Variants in IKZF1 observed in about 807,000 individuals in gnomAD.
IKZF1 encodes DNA-binding protein Ikaros.
IKZF1 carries 10 observed loss-of-function variants against 51.7 expected under a neutral mutation model. That is an observed-to-expected ratio of 0.19 (90% CI 0.12 to 0.33). The LOEUF (loss-of-function observed/expected upper bound fraction) is 0.33. IKZF1 is among the 10% of genes least tolerant of loss of function. The pLI is 1.00. For synonymous variants in IKZF1, 280 were observed against 282.3 expected (o/e 0.99, Z 0.08); for missense variants, 484 against 707.5 (o/e 0.68, Z 3.58).
At position 50,404,429 on chromosome 7, in the gene IKZF1, C is replaced by T. The variant is rs138552384; in HGVS notation, c.*3802C>T. On this transcript the variant is annotated 3_prime_UTR_variant, in exon 8 of 8. Coordinates refer to ENST00000331340, the MANE Select transcript of IKZF1 (RefSeq NM_006060.6). ...GTAGTGATAGAACAAATAAATGCAA[C>T]GAATACTCTGTCTGCCCTATCCCGT... 2.6e-5 allele frequency: 6 copies of T among 228,638 alleles called. No homozygotes were observed. The highest frequency in any genetic ancestry group is 4.3e-5 in the Non-Finnish European group (5 of 115,124). The allele number at this position is 228,638 out of a possible 1,614,324, so 14.2% of individuals were successfully genotyped here. A position where few individuals can be genotyped will look rare whatever the true frequency, so the allele number is the denominator to read the frequency against.
chr7:50,382,821 C>G (rs1248319360), intron 5 of IKZF1, 114 bp downstream of exon 5: 4 of 1,308,450 alleles, frequency 3.1e-6, no homozygotes, highest in Non-Finnish European at 4.1e-6. Context: ...CCTCCCAGCT[C>G]GCAGTCCTGC....
Position 50,376,850 on chromosome 7 carries a change from AG to A in IKZF1, c.421+59del. 2.5e-6 allele frequency: 4 copies of A among 1,593,188 alleles called. No individual in the cohort carries two copies. The highest frequency in any genetic ancestry group is 3.4e-6 in the Non-Finnish European group (4 of 1,168,226). ...CCTGGAGAAGGTGCATGGGGTTTGA[AG>A]GAGGAAAGCATCCTGTCTTCCTTGT... On this transcript the variant is annotated intron_variant, in intron 4 of 7. Coordinates refer to ENST00000331340, the MANE Select transcript of IKZF1 (RefSeq NM_006060.6). This position sits in a 1 kb window ranked among gnomAD's most constrained non-coding sequence, Gnocchi z 4.5.
chr7:50,325,031 C>T (rs990047177), intron 2 of IKZF1, among the ~76,000 whole-genome samples: 8 of 152,108 alleles, frequency 5.3e-5, no homozygotes, highest in South Asian at 2.1e-4. Context: ...TCATGAGACG[C>T]GTGCACACCC....
intron 3 of IKZF1, among the ~76,000 whole-genome samples, chr7:50,354,676 C>T (rs1802779026): frequency 1.3e-5 from 2 of 152,122 alleles, no homozygotes; most frequent in Admixed American, 1.3e-4. Context: ...TTCCATTACC[C>T]TCTCTAGCAT....
intron 3 of IKZF1, among the ~76,000 whole-genome samples, chr7:50,335,382 G>A (rs1797443346): frequency 1.4e-5 from 2 of 144,110 alleles, no homozygotes; most frequent in South Asian, 2.3e-4. Flanking sequence ...TGTGTGGTGT[G>A]TATGTGTGTA....
chr7:50,368,176 C>T (rs1313908805), intron 3 of IKZF1: 1 of 703,288 alleles, frequency 1.4e-6, no homozygotes, highest in African/African-American at 1.7e-5. Context: ...TAAATATTCA[C>T]TGTTCTATTC....
intron 3 of IKZF1, among the ~76,000 whole-genome samples, chr7:50,336,793 A>G (rs1282982905): frequency 1.3e-5 from 2 of 152,310 alleles, no homozygotes; most frequent in African/African-American, 2.4e-5. Flanking sequence ...GATGGTGTCT[A>G]GCCACGGAAC....
At chr7:50,332,318 T>G (rs1455941759) in intron 3 of IKZF1, among the ~76,000 whole-genome samples, 1 of 152,140 alleles carries the variant, frequency 6.6e-6, no homozygotes, top group Non-Finnish European at 1.5e-5. Flanking sequence ...ATACATACAT[T>G]TTTGCCAGTT....
chr7:50,355,728 C>G (rs992677462), intron 3 of IKZF1, among the ~76,000 whole-genome samples: 1 of 152,172 alleles, frequency 6.6e-6, no homozygotes, highest in Non-Finnish European at 1.5e-5. Context: ...CCTCTAAGAA[C>G]AATGAGAGTT....
At chr7:50,371,670 C>T (rs567062278) in intron 3 of IKZF1, among the ~76,000 whole-genome samples, 8 of 152,362 alleles carry the variant, frequency 5.3e-5, no homozygotes, top group African/African-American at 1.9e-4. Flanking sequence ...TGCCTCTCCT[C>T]GGCACCTTCT....
intron 1 of IKZF1, among the ~76,000 whole-genome samples, chr7:50,310,184 G>A (rs1789820675): frequency 6.6e-6 from 1 of 152,300 alleles, no homozygotes. Context: ...TACTTTTGCA[G>A]TATGAGTGTT....
intron 1 of IKZF1, among the ~76,000 whole-genome samples, chr7:50,305,362 G>A (rs755489979): frequency 6.6e-6 from 1 of 152,166 alleles, no homozygotes; most frequent in Admixed American, 6.5e-5. Flanking sequence ...GCTTTGAAAA[G>A]TTAGTCCTTT....
At chr7:50,397,339 T>C (rs1390293339) in intron 7 of IKZF1, among the ~76,000 whole-genome samples, 1 of 152,230 alleles carries the variant, frequency 6.6e-6, no homozygotes, top group East Asian at 1.9e-4. Context: ...TTATTTTTCT[T>C]GTTTTGTTGG....
chr7:50,362,220 T>A (rs960778187), intron 3 of IKZF1, among the ~76,000 whole-genome samples: 6 of 152,224 alleles, frequency 3.9e-5, no homozygotes, highest in African/African-American at 1.4e-4. Flanking sequence ...CACTGACATG[T>A]CCCATTTGAA....
intron 2 of IKZF1, among the ~76,000 whole-genome samples, chr7:50,325,697 C>A (rs1794792823): frequency 6.6e-6 from 1 of 151,982 alleles, no homozygotes; most frequent in Admixed American, 6.6e-5. Flanking sequence ...ATGGCTTGAA[C>A]CTGGGAGGCC....
At chr7:50,370,695 A>G (rs562060952) in intron 3 of IKZF1, among the ~76,000 whole-genome samples, 6 of 152,342 alleles carry the variant, frequency 3.9e-5, no homozygotes, top group African/African-American at 1.2e-4. Context: ...GCTCTTGTCC[A>G]TTATCTCTCA....
chr7:50,402,380 G>A lies in IKZF1; in HGVS notation c.*1753G>A. The A allele has an allele frequency of 4.3e-6, 1 of 230,388 alleles. No individual in the cohort carries two copies. The highest frequency in any genetic ancestry group is 1.3e-3 in the Middle Eastern group (1 of 766). The allele number at this position is 230,388 out of a possible 1,614,324, so 14.3% of individuals were successfully genotyped here. A position where few individuals can be genotyped will look rare whatever the true frequency, so the allele number is the denominator to read the frequency against. On this transcript the variant is annotated 3_prime_UTR_variant, in exon 8 of 8. Coordinates refer to ENST00000331340, the MANE Select transcript of IKZF1 (RefSeq NM_006060.6). Reference sequence around the variant, plus strand: ...TTAGGCGGGAGCTCTCCTGTGCATTGTAGGATAATTAGCAGTATCCCTGGT... The same window carrying A: ...TTAGGCGGGAGCTCTCCTGTGCATTATAGGATAATTAGCAGTATCCCTGGT...
chr7:50,369,120 A>G, intron 3 of IKZF1: 1 of 234,094 alleles, frequency 4.3e-6, no homozygotes, highest in East Asian at 6.2e-5. Context: ...TGAGATGTAT[A>G]TGTATGTACT....
Position 50,376,204 on chromosome 7 carries a change from G to A in IKZF1, c.161-329G>A, listed in dbSNP as rs1157850386. 3.9e-5 allele frequency among the ~76,000 whole-genome samples: 6 copies of A among 152,172 alleles called. No homozygotes were observed. Among genetic ancestry groups the A allele is most frequent in the Admixed American group, 3.3e-4 (5 of 15,280 alleles). On this transcript the variant is annotated intron_variant, in intron 3 of 7. Coordinates refer to ENST00000331340, the MANE Select transcript of IKZF1 (RefSeq NM_006060.6). This position sits in a 1 kb window ranked among gnomAD's most constrained non-coding sequence, Gnocchi z 4.5. ...GAGTAGGCCTCAGACCACTCCTGAC[G>A]TGAACCTGCTTAAAGTGAGGGCCCA... is the stretch of plus-strand genomic sequence containing the variant.
Sources: allele counts gnomAD v4.1 joint callset (sites outside exome capture counted in the v4.1 genomes callset), GRCh38; gene constraint gnomAD v4.1.1; non-coding constraint Gnocchi (gnomAD v3.1); transcripts MANE v1.5; gene names NCBI Gene and HGNC (gene_info 2026-07-23, HGNC 2026-07-21).